Variants in CBLC observed in about 807,000 individuals in gnomAD.
CBLC encodes E3 ubiquitin-protein ligase CBL-C.
Under a neutral mutation model 58.6 loss-of-function variants are expected in CBLC, and 46 were observed. The ratio of observed to expected loss-of-function variants is 0.79; its 90% confidence interval spans 0.62 to 1.00. CBLC has a LOEUF of 1.00. Among genes scored for constraint, CBLC ranks in the 50% least tolerant of loss-of-function variants. The probability of loss-of-function intolerance (pLI) is 0.00; values close to 1 mark genes in which losing one functional copy is unlikely to be tolerated. For missense variants in CBLC, 655 were observed against 625.8 expected (o/e 1.05, Z -0.50); for synonymous variants, 271 against 264.2 (o/e 1.03, Z -0.25).
At chr19:44,791,307 C>CAAAAA (rs57655043) in intron 6 of CBLC, among the ~76,000 whole-genome samples, 1 of 78,154 alleles carries the variant, frequency 1.3e-5, no homozygotes, top group African/African-American at 3.9e-5. Flanking sequence ...CTCTGTCCCG[C>CAAAAA]AAAAAAAAAA....
In CBLC at chr19:44,800,604, A is replaced by G. The variant is rs565125133; in HGVS notation, c.*61A>G. On this transcript the variant is annotated 3_prime_UTR_variant, in exon 11 of 11. Coordinates refer to ENST00000647358, the MANE Select transcript of CBLC (RefSeq NM_012116.4). ...CCCAAGGGCTGGAAGGGGGTTGTGA[A>G]ACCGAAATAAACTGCCAAGCCTGGT... is the stretch of plus-strand genomic sequence containing the variant. The G allele has an allele frequency of 4.9e-5, 28 of 566,930 alleles. 1 individual carries two copies. The highest frequency in any genetic ancestry group is 4.0e-4 in the African/African-American group (21 of 53,164). 35.1% of individuals were successfully genotyped at this position (566,930 alleles called of 1,614,324 possible).
At chr19:44,792,625 G>A (rs1968084686) in intron 7 of CBLC, 111 bp downstream of exon 7, 1 of 1,179,758 alleles carries the variant, frequency 8.5e-7, no homozygotes, top group Non-Finnish European at 1.1e-6. Context: ...GAAGGCCAGA[G>A]AGGGCAAAGA....
chr19:44,792,697 C>CG (rs1968086201), intron 7 of CBLC, among the ~76,000 whole-genome samples, 183 bp downstream of exon 7: 1 of 152,202 alleles, frequency 6.6e-6, no homozygotes, highest in Admixed American at 6.6e-5. Flanking sequence ...CCATCCCACT[C>CG]TGCACACGCT....
chr19:44,793,447 G>C, intron 7 of CBLC, 27 bp from the exon 8 acceptor site: 2 of 1,583,062 alleles, frequency 1.3e-6, no homozygotes, highest in Non-Finnish European at 1.7e-6. Flanking sequence ...GGGGAGCACT[G>C]ACCCTTTCCC....
intron 9 of CBLC, among the ~76,000 whole-genome samples, chr19:44,799,688 TAAA>T (rs757503809): frequency 8.2e-6 from 1 of 122,254 alleles, no homozygotes; most frequent in Non-Finnish European, 1.7e-5. Flanking sequence ...GAAAGAAAAG[TAAA>T]GAAAGAGAGA....
In CBLC at chr19:44,778,284, G is replaced by C. The variant is rs1967626391; in HGVS notation, c.353G>C (p.Arg118Thr). The C allele has an allele frequency of 7.7e-6, 11 of 1,432,928 alleles. No homozygotes were observed. The highest frequency in any genetic ancestry group is 1.0e-5 in the Non-Finnish European group (11 of 1,096,316). 88.8% of individuals were successfully genotyped at this position (1,432,928 alleles called of 1,614,324 possible). The change falls in exon 1 of 11, where the codon AGG (arginine) becomes ACG (threonine). Residue 118 changes from arginine to threonine, a missense_variant and splice_region_variant. By Grantham distance (71) the Arg-to-Thr change is moderately conservative (BLOSUM62 -1). Around this residue, in one of 3 missense-constraint regions of CBLC, gnomAD observed 280 missense variants for 237.2 expected, o/e 1.18. Transcript: ENST00000647358. ...CTCTTCCGGGCGGGCTCCAGACTCA[G>C]GTGAGCCTTCGCCCCAGAACAAAGT... is the stretch of plus-strand genomic sequence containing the variant. ...DELFRAGSRL[R>T]RQLAKLAIIF...
chr19:44,783,748 C>T (rs1235170234), intron 4 of CBLC, among the ~76,000 whole-genome samples: 1 of 152,152 alleles, frequency 6.6e-6, no homozygotes, highest in Non-Finnish European at 1.5e-5. Context: ...GATCCAGGTG[C>T]TCAATGGCTA....
At position 44,793,476 on chromosome 19, in the gene CBLC, C is replaced by T. The variant is rs1296037060; in HGVS notation, c.1140C>T (p.His380=). 1 of 1,606,422 alleles carries T rather than the reference C, an allele frequency of 6.2e-7. No individual in the cohort carries two copies. The highest frequency in any genetic ancestry group is 1.7e-5 in the Admixed American group (1 of 57,962). The stretch of plus-strand genomic sequence containing the variant: ...CTTTCCCTCCCGACCTCCCCCAGCA[C>T]TCGGACAGCCAGACCTGCCCCTTCT... ...LCSCCLAAWQ[H]SDSQTCPFCR... is the part of the protein sequence containing the mutation. Residue 380 remains histidine, a splice_region_variant and synonymous_variant, in exon 8 of 11, where the codon CAC becomes CAT. Coordinates refer to ENST00000647358, the MANE Select transcript of CBLC (RefSeq NM_012116.4).
At chr19:44,789,903 T>C in intron 5 of CBLC, 101 bp from the exon 6 acceptor site, 1 of 796,590 alleles carries the variant, frequency 1.3e-6, no homozygotes, top group Non-Finnish European at 2.2e-6. Flanking sequence ...GATCCTCAAC[T>C]CAGGGAAATA....
At chr19:44,784,508 A>T in intron 5 of CBLC, 107 bp downstream of exon 5, 1 of 1,088,822 alleles carries the variant, frequency 9.2e-7, no homozygotes, top group South Asian at 1.9e-5. Context: ...GCAACCATTC[A>T]CATAGGGGAC....
At chr19:44,797,670 G>A (rs1968206978) in intron 9 of CBLC, among the ~76,000 whole-genome samples, 1 of 147,024 alleles carries the variant, frequency 6.8e-6, no homozygotes, top group African/African-American at 2.5e-5. Flanking sequence ...CAGGAGAATC[G>A]CTTGAACCCA....
rs1046605764 is a variant in CBLC at position 44,782,554 on chromosome 19, G to A, written c.779+63G>A. The A allele has an allele frequency of 5.8e-6, 8 of 1,370,890 alleles. No individual in the cohort carries two copies. In the South Asian group the frequency reaches 7.2e-5, roughly 12 times the overall value. The allele number at this position is 1,370,890 out of a possible 1,614,324, so 84.9% of individuals were successfully genotyped here. ...GCTCAGGGATCTGGGCTCTGGGCTG[G>A]TGCGTGGTGGAGCCCAGATGTCCTT... On this transcript the variant is annotated intron_variant, in intron 4 of 10. Coordinates refer to ENST00000647358, the MANE Select transcript of CBLC (RefSeq NM_012116.4).
intron 5 of CBLC, among the ~76,000 whole-genome samples, chr19:44,785,226 C>T (rs777919286): frequency 7.9e-5 from 12 of 151,638 alleles, no homozygotes; most frequent in East Asian, 2.0e-4. Context: ...CCACCCACCT[C>T]GGCCTCCCAA....
intron 4 of CBLC, 48 bp from the exon 5 acceptor site, chr19:44,784,216 A>T (rs537543701): frequency 1.0e-5 from 15 of 1,506,426 alleles, no homozygotes; most frequent in Middle Eastern, 1.8e-4. Flanking sequence ...CACAAAAGGG[A>T]TGGCAGTGAC....
At chr19:44,783,136 C>T (rs1166432575) in intron 4 of CBLC, among the ~76,000 whole-genome samples, 2 of 152,114 alleles carry the variant, frequency 1.3e-5, no homozygotes, top group South Asian at 2.1e-4. Context: ...TTTGGGAGGC[C>T]GAGGCGGGCA....
chr19:44,789,269 G>A (rs911901235), intron 5 of CBLC, among the ~76,000 whole-genome samples: 3 of 152,184 alleles, frequency 2.0e-5, no homozygotes, highest in African/African-American at 7.2e-5. Context: ...AAGTGGTACA[G>A]GTGCTCTCAG....
At chr19:44,798,705 T>C (rs552601344) in intron 9 of CBLC, among the ~76,000 whole-genome samples, 12 of 152,088 alleles carry the variant, frequency 7.9e-5, no homozygotes, top group Non-Finnish European at 1.8e-4. Flanking sequence ...CACTGCACTC[T>C]AGCCTGGGCG....
In CBLC at chr19:44,781,315, CG is replaced by C; in HGVS notation, c.612del (p.His205ThrfsTer74). 6.2e-7 allele frequency: 1 copy of C among 1,613,024 alleles called. No individual in the cohort carries two copies. On this transcript the variant is annotated frameshift_variant, in exon 3 of 11. Transcript: ENST00000647358. LOFTEE classifies it high-confidence loss of function. ...GCACCACCATTGACCTCACCTGCAG[CG>C]GGCACGTGTCCATCTTCGAGTTCGA... ...LRTTIDLTCS[G>X]HVSIFEFDVF... is the part of the protein sequence containing the mutation.
At chr19:44,800,059 G>A (rs1435861373) in intron 9 of CBLC, among the ~76,000 whole-genome samples, 1 of 152,156 alleles carries the variant, frequency 6.6e-6, no homozygotes, top group Non-Finnish European at 1.5e-5. Flanking sequence ...CTAGGGACAA[G>A]GCCAAAGGTC....
Sources: gnomAD v4.1 joint callset for allele counts (sites outside exome capture counted in the v4.1 genomes callset) on GRCh38, gnomAD v4.1.1 for gene constraint, gnomAD v4.1.1 regional missense constraint, MANE v1.5 for transcripts, NCBI Gene and HGNC (gene_info 2026-07-23, HGNC 2026-07-21) for gene names.